The following RNF121 variants were observed in gnomAD, a reference collection of about 807,000 sequenced individuals.
The protein encoded by RNF121 is ring finger protein 121, also known as E3 ubiquitin ligase RNF121.
Under a neutral mutation model 46.5 loss-of-function variants are expected in RNF121, and 21 were observed. The ratio of observed to expected loss-of-function variants is 0.45; its 90% confidence interval spans 0.32 to 0.65. The LOEUF (loss-of-function observed/expected upper bound fraction) is 0.65. RNF121 is among the 30% of genes least tolerant of loss of function. The pLI is 0.04. For synonymous variants in RNF121, 139 were observed against 144.7 expected, an observed-to-expected ratio of 0.96 and a Z score of 0.28; for missense variants, 346 against 416.0, an observed-to-expected ratio of 0.83 and a Z score of 1.46.
intron 1 of RNF121, among the ~76,000 whole-genome samples, chr11:71,940,679 G>A (rs1413711079): frequency 1.3e-5 from 2 of 152,170 alleles, no homozygotes; most frequent in Admixed American, 1.3e-4. Flanking sequence ...GGGACACAAA[G>A]ATGAAAATGT....
intron 1 of RNF121, among the ~76,000 whole-genome samples, chr11:71,938,405 C>G (rs575363078): frequency 6.8e-6 from 1 of 148,088 alleles, no homozygotes; most frequent in Non-Finnish European, 1.5e-5. Flanking sequence ...CCATAACCTC[C>G]GCCTCCTGGG....
intron 3 of RNF121, among the ~76,000 whole-genome samples, chr11:71,972,893 CAT>C (rs984732502): frequency 3.3e-5 from 5 of 152,080 alleles, no homozygotes; most frequent in African/African-American, 9.7e-5. Flanking sequence ...TTAAGAGAAA[CAT>C]AGGCTGGGCG....
intron 1 of RNF121, among the ~76,000 whole-genome samples, chr11:71,939,914 A>T (rs1260057860): frequency 6.6e-6 from 1 of 152,254 alleles, no homozygotes; most frequent in Non-Finnish European, 1.5e-5. Flanking sequence ...AGTGATAATG[A>T]CAATATAGTA....
At chr11:71,963,874 T>C (rs1405356305) in intron 3 of RNF121, among the ~76,000 whole-genome samples, 3 of 152,242 alleles carry the variant, frequency 2.0e-5, no homozygotes, top group East Asian at 1.9e-4. Flanking sequence ...TTGATCTATA[T>C]GTCTGTTCTT....
Position 71,989,761 on chromosome 11 carries a change from T to A in RNF121, c.507-836T>A, listed in dbSNP as rs183882781. ...TTGTTAAATAGACTTGGACCAAAAT[T>A]TAACTTTGATGATATGATACAGATT... On this transcript the variant is annotated intron_variant, in intron 5 of 8. Transcript: ENST00000361756. 4.6e-3 allele frequency among the ~76,000 whole-genome samples: 697 copies of A among 152,326 alleles called. 3 individuals are homozygous for A. Among genetic ancestry groups the A allele is most frequent in the African/African-American group, 0.016 (667 of 41,592 alleles).
chr11:71,986,800 A>G (rs1268387645), intron 4 of RNF121, among the ~76,000 whole-genome samples: 1 of 151,184 alleles, frequency 6.6e-6, no homozygotes, highest in Non-Finnish European at 1.5e-5. Context: ...GAAAAAAAAT[A>G]CAAAGCCCTA....
chr11:71,979,458 T>G (rs1321104693), intron 3 of RNF121, among the ~76,000 whole-genome samples: 2 of 152,206 alleles, frequency 1.3e-5, no homozygotes, highest in Admixed American at 1.3e-4. Context: ...TCTTTTTCTT[T>G]CTCTCGATGT....
chr11:71,945,412 C>G (rs1953690568), intron 1 of RNF121, among the ~76,000 whole-genome samples: 1 of 152,192 alleles, frequency 6.6e-6, no homozygotes, highest in Non-Finnish European at 1.5e-5. Context: ...CCCAGTTCCT[C>G]TGGATTCTTC....
intron 5 of RNF121, among the ~76,000 whole-genome samples, chr11:71,989,797 G>T (rs540121394): frequency 1.3e-5 from 2 of 152,110 alleles, no homozygotes; most frequent in African/African-American, 4.8e-5. Flanking sequence ...ATTTATATTT[G>T]TAGTTTATAA....
chr11:71,961,416 C>T (rs1283266286), intron 3 of RNF121, among the ~76,000 whole-genome samples: 1 of 152,102 alleles, frequency 6.6e-6, no homozygotes, highest in African/African-American at 2.4e-5. Flanking sequence ...GAGAAATTAG[C>T]CAGGCGTGGT....
At chr11:71,933,270 G>A (rs1953319147) in intron 1 of RNF121, among the ~76,000 whole-genome samples, 1 of 152,196 alleles carries the variant, frequency 6.6e-6, no homozygotes, top group South Asian at 2.1e-4. Flanking sequence ...ATCTGGATGT[G>A]TCCACTCTCA....
chr11:71,952,050 G>A lies in RNF121; in HGVS notation c.64-5177G>A, dbSNP rs557106589. Among the ~76,000 whole-genome samples, 262 of 152,252 alleles carry A rather than the reference G, an allele frequency of 1.7e-3. 2 individuals carry two copies. Among genetic ancestry groups the A allele is most frequent in the Non-Finnish European group, 2.2e-3 (151 of 68,030 alleles). ...GTTCATAGTAGCATTATTTATAATA[G>A]CCAAAAAGTAGAAACAATGCCTACA... On this transcript the variant is annotated intron_variant, in intron 1 of 8. Transcript: ENST00000361756.
intron 1 of RNF121, among the ~76,000 whole-genome samples, chr11:71,931,789 AG>A (rs904482853): frequency 2.1e-4 from 32 of 152,232 alleles, no homozygotes; most frequent in African/African-American, 7.5e-4. Flanking sequence ...GAGCTGAAAA[AG>A]GTTGGGTTTA....
intron 3 of RNF121, 135 bp from the exon 4 acceptor site, chr11:71,982,626 G>T (rs1439293995): frequency 6.6e-6 from 6 of 904,678 alleles, no homozygotes; most frequent in Non-Finnish European, 8.2e-6. Flanking sequence ...TGGATCACTA[G>T]TGGAGTTAAC....
chr11:71,957,718 C>T lies in RNF121; in HGVS notation c.101+454C>T, dbSNP rs77708273. On this transcript the variant is annotated intron_variant, in intron 2 of 8. Transcript: ENST00000361756. ...AACATCATCATTATTATCCATGATA[C>T]AGGATGGGGAGCTCTGGTTAAGAAA... Among the ~76,000 whole-genome samples the T allele has an allele frequency of 4.6e-5, 7 of 152,216 alleles. No individual in the cohort carries two copies. The East Asian group carries it at 1.4e-3, about 29-fold the overall frequency.
At chr11:71,972,060 A>T (rs527877314) in intron 3 of RNF121, among the ~76,000 whole-genome samples, 109 of 152,334 alleles carry the variant, frequency 7.2e-4, no homozygotes, top group African/African-American at 2.5e-3. Flanking sequence ...AAAGCAATAC[A>T]TTAAGTACCT....
chr11:71,967,557 C>A (rs1009548524), intron 3 of RNF121, among the ~76,000 whole-genome samples: 1 of 151,986 alleles, frequency 6.6e-6, no homozygotes, highest in Non-Finnish European at 1.5e-5. Context: ...GTACAAAATA[C>A]AATAGTATTT....
At position 71,960,826 on chromosome 11, in the gene RNF121, G is replaced by T. The variant is rs756071313; in HGVS notation, c.178G>T (p.Ala60Ser). ...MHAEMVLILI[A>S]TLVVAQLLLV... ...TGCTGAAATGGTCCTCATCCTCATC[G>T]CAACCTTGGTGGTGGCCCAGCTGCT... Residue 60 changes from alanine (A) to serine (S), a missense_variant, in exon 3 of 9, where the codon GCA becomes TCA. Physicochemically the swap from Ala to Ser is moderately conservative, Grantham distance 99. Transcript: ENST00000361756. 13 of 1,614,016 alleles carry T rather than the reference G, an allele frequency of 8.1e-6. No homozygotes were observed.
At chr11:71,974,668 CA>C (rs11332543) in intron 3 of RNF121, among the ~76,000 whole-genome samples, 130,757 of 152,132 alleles carry the variant, frequency 0.86, 56,914 homozygotes, top group Non-Finnish European at 0.94. Flanking sequence ...CAATTTCTGC[CA>C]TAGTCAGAAG....
Sources: gnomAD v4.1 joint callset for allele counts (sites outside exome capture counted in the v4.1 genomes callset) on GRCh38, gnomAD v4.1.1 for gene constraint, MANE v1.5 for transcripts, NCBI Gene and HGNC (gene_info 2026-07-23, HGNC 2026-07-21) for gene names.